The following THSD7A variants were observed in gnomAD, a reference collection of about 807,000 sequenced individuals.
THSD7A encodes thrombospondin type-1 domain-containing protein 7A.
In THSD7A, 96 loss-of-function variants were observed where a neutral mutation model predicts 231.3. The observed-to-expected ratio is 0.41, with a 90% CI of 0.35 to 0.49. The LOEUF (loss-of-function observed/expected upper bound fraction) is 0.49. THSD7A is among the 20% of genes least tolerant of loss of function. The probability of loss-of-function intolerance (pLI) is 0.05; values close to 1 mark genes in which losing one functional copy is unlikely to be tolerated. For missense variants in THSD7A, 2,290 were observed against 2,070.2 expected (o/e 1.11, Z -2.06); for synonymous variants, 940 against 743.3 (o/e 1.26, Z -4.30).
chr7:11,711,319 G>C (rs1374565436), intron 1 of THSD7A, among the ~76,000 whole-genome samples: 1 of 150,982 alleles, frequency 6.6e-6, no homozygotes, highest in East Asian at 2.0e-4. Context: ...TGGGGTCACA[G>C]AGGCCCAAGT....
chr7:11,461,659 G>C (rs887121340), intron 10 of THSD7A, among the ~76,000 whole-genome samples: 2 of 152,114 alleles, frequency 1.3e-5, no homozygotes, highest in Non-Finnish European at 2.9e-5. Flanking sequence ...GTAATGCTTA[G>C]GCTAGTCTTC....
At chr7:11,742,231 C>G (rs1040916694) in intron 1 of THSD7A, among the ~76,000 whole-genome samples, 14 of 151,860 alleles carry the variant, frequency 9.2e-5, no homozygotes, top group African/African-American at 3.1e-4. Flanking sequence ...AATATATGAT[C>G]ATATTCAACA....
chr7:11,821,163 T>C (rs1198475540), intron 1 of THSD7A: 5 of 1,130,888 alleles, frequency 4.4e-6, no homozygotes, highest in Non-Finnish European at 1.3e-6. Context: ...GTTTATGTAA[T>C]GTCATTCCTG....
In THSD7A at chr7:11,469,832, G is replaced by A. The variant is rs112156982; in HGVS notation, c.2368+47C>T. The A allele has an allele frequency of 1.5e-3, 2,061 of 1,339,138 alleles. 28 individuals are homozygous for A. The African/African-American group carries it at 0.027, about 17-fold the overall frequency. The allele number at this position is 1,339,138 out of a possible 1,614,324, so 83.0% of individuals were successfully genotyped here. A position where few individuals can be genotyped will look rare whatever the true frequency, so the allele number is the denominator to read the frequency against. ...GGCCAGAAGACCTCAGAAGTCTACC[G>A]AGGAGGTTTTCTAGGTGAACAGCCT... On this transcript the variant is annotated intron_variant, in intron 9 of 27. Transcript: ENST00000423059.
At chr7:11,714,415 TA>T (rs1781067233) in intron 1 of THSD7A, among the ~76,000 whole-genome samples, 1 of 151,238 alleles carries the variant, frequency 6.6e-6, no homozygotes, top group Admixed American at 6.6e-5. Context: ...ATCTTTACCT[TA>T]ACCCTATGAC....
intron 1 of THSD7A, among the ~76,000 whole-genome samples, chr7:11,687,648 T>A (rs1780099882): frequency 6.6e-6 from 1 of 151,936 alleles, no homozygotes; most frequent in African/African-American, 2.4e-5. Flanking sequence ...GTGTTGTTAC[T>A]TGAGAATACT....
chr7:11,576,628 C>T (rs186050526), intron 4 of THSD7A, among the ~76,000 whole-genome samples: 2 of 152,180 alleles, frequency 1.3e-5, no homozygotes, highest in Admixed American at 1.3e-4. Context: ...TATGAAATTG[C>T]CACTAATTGA....
rs56112219 is a variant in THSD7A, at chr7:11,395,144, CA to C, written c.4411+6650del. On this transcript the variant is annotated intron_variant, in intron 23 of 27. Coordinates refer to ENST00000423059, the MANE Select transcript of THSD7A (RefSeq NM_015204.3). ...GAATATTTACCAAGCAAATGGAAAGCAAAAAAAAAAAAAGCAGGGGTTACAA... is the reference window on the plus strand; with the variant it reads ...GAATATTTACCAAGCAAATGGAAAGCAAAAAAAAAAAAGCAGGGGTTACAA... 7.0e-3 allele frequency among the ~76,000 whole-genome samples: 868 copies of C among 124,700 alleles called. 2 individuals are homozygous for C. Among genetic ancestry groups the C allele is most frequent in the Non-Finnish European group, 8.9e-3 (485 of 54,552 alleles). The allele number at this position is 124,700 out of a possible 152,430, so 81.8% of individuals were successfully genotyped here.
intron 23 of THSD7A, among the ~76,000 whole-genome samples, chr7:11,398,393 G>A (rs1321063546): frequency 6.6e-6 from 1 of 152,100 alleles, no homozygotes. Flanking sequence ...TCGAGGGGTA[G>A]GGGCTAGGGG....
At chr7:11,532,687 G>A (rs1253870464) in intron 6 of THSD7A, among the ~76,000 whole-genome samples, 1 of 152,102 alleles carries the variant, frequency 6.6e-6, no homozygotes, top group Non-Finnish European at 1.5e-5. Flanking sequence ...GATAGAAAAT[G>A]TAAGTATTTC....
At chr7:11,714,298 C>T (rs1781061507) in intron 1 of THSD7A, among the ~76,000 whole-genome samples, 1 of 151,050 alleles carries the variant, frequency 6.6e-6, no homozygotes, top group South Asian at 2.1e-4. Context: ...TCACATTAAC[C>T]CTATGACATG....
At chr7:11,496,872 TAA>T (rs1312630983) in intron 6 of THSD7A, among the ~76,000 whole-genome samples, 1 of 152,066 alleles carries the variant, frequency 6.6e-6, no homozygotes, top group Non-Finnish European at 1.5e-5. Context: ...TCTAGGTAAA[TAA>T]AGACACTGAG....
At chr7:11,802,649 A>G (rs2128181909) in intron 1 of THSD7A, among the ~76,000 whole-genome samples, 1 of 152,330 alleles carries the variant, frequency 6.6e-6, no homozygotes, top group African/African-American at 2.4e-5. Flanking sequence ...TAAGCAAGTT[A>G]GTTAACATTT....
intron 8 of THSD7A, among the ~76,000 whole-genome samples, chr7:11,471,926 G>C (rs889493020): frequency 5.3e-5 from 8 of 152,048 alleles, no homozygotes; most frequent in African/African-American, 1.9e-4. Flanking sequence ...TTAACAATGA[G>C]AGAGCATTAC....
intron 6 of THSD7A, among the ~76,000 whole-genome samples, chr7:11,520,978 A>G (rs1236645224): frequency 6.6e-6 from 1 of 152,200 alleles, no homozygotes; most frequent in Non-Finnish European, 1.5e-5. Context: ...GTCTTATAGG[A>G]AATCAGAACG....
At position 11,615,781 on chromosome 7, in the gene THSD7A, T is replaced by C. The variant is rs891278770; in HGVS notation, c.1022+20349A>G. Among the ~76,000 whole-genome samples the C allele has an allele frequency of 9.2e-5, 14 of 152,324 alleles. No homozygotes were observed. The South Asian group carries it at 2.5e-3, about 27-fold the overall frequency. On this transcript the variant is annotated intron_variant, in intron 2 of 27. Transcript: ENST00000423059. Reference sequence around the variant, plus strand: ...TCTGAAATAAGTGGAGGAACATTGATTTAATCCAGATTTTCCTGGTCTCAC... The same window carrying C: ...TCTGAAATAAGTGGAGGAACATTGACTTAATCCAGATTTTCCTGGTCTCAC...
At chr7:11,660,675 C>T (rs921001507) in intron 1 of THSD7A, among the ~76,000 whole-genome samples, 3 of 151,336 alleles carry the variant, frequency 2.0e-5, no homozygotes, top group African/African-American at 7.3e-5. Context: ...AGTTAAGTCT[C>T]TACCTGGTCC....
At position 11,372,706 on chromosome 7, in the gene THSD7A, T is replaced by A. The variant is rs1296319714; in HGVS notation, c.*3088A>T. On this transcript the variant is annotated 3_prime_UTR_variant, in exon 28 of 28. Coordinates refer to ENST00000423059, the MANE Select transcript of THSD7A (RefSeq NM_015204.3). ...CCTTCATTCTAGGGAACAGCAGTTC[T>A]ACATCTTTTACCCCCTCGGTGAGGT... The A allele has an allele frequency of 1.3e-5, 2 of 152,196 alleles. No homozygotes were observed. Among genetic ancestry groups the A allele is most frequent in the East Asian group, 3.9e-4 (2 of 5,178 alleles). The allele number at this position is 152,196 out of a possible 1,614,324, so 9.4% of individuals were successfully genotyped here.
chr7:11,811,131 CTTGGT>C (rs1338031377), intron 1 of THSD7A, among the ~76,000 whole-genome samples: 1 of 152,120 alleles, frequency 6.6e-6, no homozygotes, highest in East Asian at 1.9e-4. Context: ...TATTTTAAAA[CTTGGT>C]GATTTGTGTG....
Sources: allele counts gnomAD v4.1 joint callset (sites outside exome capture counted in the v4.1 genomes callset), GRCh38; gene constraint gnomAD v4.1.1; transcripts MANE v1.5; gene names NCBI Gene and HGNC (gene_info 2026-07-23, HGNC 2026-07-21).